Variants in BRINP3 observed in about 807,000 individuals in gnomAD.
The protein encoded by BRINP3 is BMP/retinoic acid inducible neural specific 3.
Under a neutral mutation model 71.0 loss-of-function variants are expected in BRINP3, and 19 were observed. The observed-to-expected ratio is 0.27, with a 90% CI of 0.19 to 0.39. The LOEUF (loss-of-function observed/expected upper bound fraction) is 0.39. BRINP3 is among the 10% of genes least tolerant of loss of function. BRINP3 has a pLI of 1.00. For synonymous variants in BRINP3, 380 were observed against 337.7 expected, an observed-to-expected ratio of 1.13 and a Z score of -1.37; for missense variants, 959 against 940.8, an observed-to-expected ratio of 1.02 and a Z score of -0.25.
At chr1:190,443,102 G>A (rs918544410) in intron 2 of BRINP3, among the ~76,000 whole-genome samples, 8 of 151,362 alleles carry the variant, frequency 5.3e-5, no homozygotes, top group African/African-American at 1.9e-4. Flanking sequence ...TAGTAGAGAT[G>A]GGGTTTCACT....
chr1:190,098,984 G>A lies in BRINP3; in HGVS notation c.1335C>T (p.Asp445=), dbSNP rs746938927. 1.1e-5 allele frequency: 18 copies of A among 1,614,032 alleles called. No homozygotes were observed. Among genetic ancestry groups the A allele is most frequent in the Admixed American group, 1.0e-4 (6 of 60,002 alleles). Reference sequence around the variant, plus strand: ...GTGCGCATGTCAGGCAGGCAGAGGCGTCTCCCACTGTGCAGGGCAGGAACG... The same window carrying A: ...GTGCGCATGTCAGGCAGGCAGAGGCATCTCCCACTGTGCAGGGCAGGAACG... ...CTAFLPCTVG[D]ASACLTCAPD... Residue 445 remains aspartate, a synonymous_variant, in exon 8 of 8, where the codon GAC becomes GAT. Coordinates refer to ENST00000367462, the MANE Select transcript of BRINP3 (RefSeq NM_199051.3).
chr1:190,424,547 C>T (rs977866479), intron 2 of BRINP3, among the ~76,000 whole-genome samples: 2 of 151,554 alleles, frequency 1.3e-5, no homozygotes, highest in South Asian at 2.1e-4. Flanking sequence ...CTGGTAGTGG[C>T]TTAGTATAAC....
rs924570774 is a variant in BRINP3, at chr1:190,264,945, G to A, written c.538C>T (p.Leu180=). 6.2e-7 allele frequency: 1 copy of A among 1,613,660 alleles called. No homozygotes were observed. The highest frequency in any genetic ancestry group is 8.5e-7 in the Non-Finnish European group (1 of 1,179,862). ...SSVTLETLHQ[L]AASYFIDRDS... ...CTGTCAATGAAATAAGAAGCGGCTA[G>A]CTGATGTAGCGTCTCCAGAGTGACC... The change falls in exon 4 of 8, where the codon CTA becomes TTA. Residue 180 remains leucine (L), a synonymous_variant. Transcript: ENST00000367462.
intron 2 of BRINP3, among the ~76,000 whole-genome samples, chr1:190,421,595 T>A (rs1673390428): frequency 6.6e-6 from 1 of 151,844 alleles, no homozygotes; most frequent in African/African-American, 2.4e-5. Context: ...AATGAGTCAT[T>A]AATGTGACCA....
At chr1:190,437,545 A>C (rs1674544684) in intron 2 of BRINP3, among the ~76,000 whole-genome samples, 1 of 151,794 alleles carries the variant, frequency 6.6e-6, no homozygotes, top group South Asian at 2.1e-4. Context: ...TTAATGTTTC[A>C]ATTTTCCCTT....
chr1:190,300,045 G>A (rs1571677596), intron 2 of BRINP3, among the ~76,000 whole-genome samples: 1 of 151,916 alleles, frequency 6.6e-6, no homozygotes, highest in East Asian at 2.0e-4. Context: ...TGCCCTTCTC[G>A]AGGAGTATCT....
At chr1:190,347,011 T>G in intron 2 of BRINP3, among the ~76,000 whole-genome samples, 1 of 152,062 alleles carries the variant, frequency 6.6e-6, no homozygotes, top group African/African-American at 2.4e-5. Flanking sequence ...AGAAAATAGC[T>G]TATGGAAGGC....
intron 2 of BRINP3, among the ~76,000 whole-genome samples, chr1:190,432,277 C>T (rs1373968378): frequency 6.6e-6 from 1 of 152,088 alleles, no homozygotes; most frequent in African/African-American, 2.4e-5. Context: ...AATTCTACTC[C>T]AATTGAAAAC....
intron 4 of BRINP3, among the ~76,000 whole-genome samples, chr1:190,263,680 C>G (rs1661395088): frequency 6.6e-6 from 1 of 150,418 alleles, no homozygotes; most frequent in Non-Finnish European, 1.5e-5. Flanking sequence ...AGTTCTGCCT[C>G]CCAGGTTCAT....
chr1:190,313,225 C>CT (rs1665653729), intron 2 of BRINP3, among the ~76,000 whole-genome samples: 1 of 151,680 alleles, frequency 6.6e-6, no homozygotes, highest in Admixed American at 6.6e-5. Context: ...ATTTTTATGC[C>CT]TTTTTAAGAG....
intron 2 of BRINP3, among the ~76,000 whole-genome samples, chr1:190,432,896 T>A (rs1674193381): frequency 6.6e-6 from 1 of 152,198 alleles, no homozygotes; most frequent in East Asian, 1.9e-4. Flanking sequence ...TCTGTATCCA[T>A]CAATTATAAA....
intron 1 of BRINP3, among the ~76,000 whole-genome samples, chr1:190,457,186 A>G (rs990986905): frequency 1.3e-5 from 2 of 152,156 alleles, no homozygotes; most frequent in Non-Finnish European, 2.9e-5. Context: ...TCACGCCTAT[A>G]ATCCCAGCAC....
chr1:190,202,099 G>C (rs1655059562), intron 6 of BRINP3, among the ~76,000 whole-genome samples: 1 of 151,586 alleles, frequency 6.6e-6, no homozygotes, highest in African/African-American at 2.4e-5. Flanking sequence ...AGCCCATGAA[G>C]ACAGGTGGGA....
chr1:190,219,227 G>A (rs1656664610), intron 6 of BRINP3, among the ~76,000 whole-genome samples: 1 of 151,938 alleles, frequency 6.6e-6, no homozygotes, highest in Admixed American at 6.6e-5. Flanking sequence ...ACAGCAAACA[G>A]GAAACCATGA....
chr1:190,238,148 T>C (rs967094695), intron 4 of BRINP3, among the ~76,000 whole-genome samples: 4 of 152,056 alleles, frequency 2.6e-5, no homozygotes, highest in African/African-American at 7.2e-5. Context: ...TCCACTTCAA[T>C]TGTCTCCTTT....
chr1:190,347,297 C>A (rs186428265), intron 2 of BRINP3, among the ~76,000 whole-genome samples: 1 of 151,990 alleles, frequency 6.6e-6, no homozygotes, highest in Non-Finnish European at 1.5e-5. Flanking sequence ...CGTGCCACCA[C>A]GCCCTGCCAA....
intron 5 of BRINP3, among the ~76,000 whole-genome samples, chr1:190,232,744 C>A (rs1658112829): frequency 6.6e-6 from 1 of 151,952 alleles, no homozygotes; most frequent in Non-Finnish European, 1.5e-5. Flanking sequence ...GTAATTCAGA[C>A]ACAAATCAAT....
chr1:190,257,093 G>T (rs1273811378), intron 4 of BRINP3, among the ~76,000 whole-genome samples: 1 of 152,138 alleles, frequency 6.6e-6, no homozygotes, highest in Non-Finnish European at 1.5e-5. Context: ...TTCCAACTTG[G>T]TTCCATTCTC....
At chr1:190,128,131 T>C (rs1221248561) in intron 7 of BRINP3, among the ~76,000 whole-genome samples, 1 of 151,780 alleles carries the variant, frequency 6.6e-6, no homozygotes, top group Non-Finnish European at 1.5e-5. Flanking sequence ...TATCTCATAC[T>C]TATTCATAAT....
Sources: allele counts gnomAD v4.1 joint callset (sites outside exome capture counted in the v4.1 genomes callset), GRCh38; gene constraint gnomAD v4.1.1; transcripts MANE v1.5; gene names NCBI Gene and HGNC (gene_info 2026-07-23, HGNC 2026-07-21).